ST6GALNAC3: variants seen among roughly 807,000 people sequenced by gnomAD.
The protein encoded by ST6GALNAC3 is alpha-N-acetylgalactosaminide alpha-2,6-sialyltransferase 3.
ST6GALNAC3 carries 25 observed loss-of-function variants against 32.7 expected under a neutral mutation model. The ratio of observed to expected loss-of-function variants is 0.76; its 90% CI spans 0.56 to 1.07. The LOEUF (loss-of-function observed/expected upper bound fraction) is 1.07, where lower values mean the gene tolerates loss of function less well. ST6GALNAC3 is among the 50% of genes least tolerant of loss of function. ST6GALNAC3 has a pLI of 0.00. For missense variants in ST6GALNAC3, 355 were observed against 382.4 expected, an observed-to-expected ratio of 0.93 and a Z score of 0.60; for synonymous variants, 129 against 133.1, an observed-to-expected ratio of 0.97 and a Z score of 0.21.
intron 1 of ST6GALNAC3, among the ~76,000 whole-genome samples, chr1:76,196,529 G>A (rs945447873): frequency 2.0e-5 from 3 of 151,322 alleles, no homozygotes; most frequent in African/African-American, 7.3e-5. Flanking sequence ...GCAATGGCGC[G>A]ATCTCGGCTC....
At chr1:76,139,395 AAC>A (rs985479070) in intron 1 of ST6GALNAC3, among the ~76,000 whole-genome samples, 8 of 150,670 alleles carry the variant, frequency 5.3e-5, no homozygotes, top group Non-Finnish European at 1.2e-4. Context: ...CACACATAGA[AAC>A]ACACACACAT....
chr1:76,542,483 G>T (rs544576175), intron 3 of ST6GALNAC3, among the ~76,000 whole-genome samples: 1 of 152,138 alleles, frequency 6.6e-6, no homozygotes, highest in Non-Finnish European at 1.5e-5. Context: ...GGTTTAACTA[G>T]CCTCAGGCAG....
intron 2 of ST6GALNAC3, among the ~76,000 whole-genome samples, chr1:76,374,531 A>G (rs1466441593): frequency 6.6e-6 from 1 of 152,252 alleles, no homozygotes; most frequent in African/African-American, 2.4e-5. Flanking sequence ...TGAAACAGAC[A>G]TCTGACATGT....
intron 3 of ST6GALNAC3, among the ~76,000 whole-genome samples, chr1:76,583,957 T>G (rs1646926434): frequency 6.6e-6 from 1 of 152,210 alleles, no homozygotes; most frequent in African/African-American, 2.4e-5. Context: ...AAAGCCCAAT[T>G]CTGTTCCTCA....
At chr1:76,099,907 T>C (rs1647190077) in intron 1 of ST6GALNAC3, among the ~76,000 whole-genome samples, 1 of 152,208 alleles carries the variant, frequency 6.6e-6, no homozygotes, top group African/African-American at 2.4e-5. Context: ...TAGCTCCAAG[T>C]ACTATTGCAT....
intron 1 of ST6GALNAC3, chr1:76,307,929 T>C: frequency 1.9e-6 from 1 of 515,598 alleles, no homozygotes; most frequent in Middle Eastern, 3.2e-4. Flanking sequence ...ATATTCCCAC[T>C]CTAAAGAGCA....
Position 76,313,839 on chromosome 1 carries a change from C to T in ST6GALNAC3, c.53C>T (p.Ala18Val), listed in dbSNP as rs372596931. ...GTGATTGCTGTGAGCTTCATAGCAGCGTTCCTTTTCCTGCTGGTTGTGCGT... is the reference window on the plus strand; with the variant it reads ...GTGATTGCTGTGAGCTTCATAGCAGTGTTCCTTTTCCTGCTGGTTGTGCGT... ...KSVIAVSFIA[A>V]FLFLLVVRLV... Residue 18 changes from alanine to valine, a missense_variant, in exon 2 of 5, where the codon GCG (alanine) becomes GTG (valine). Coordinates refer to ENST00000328299, the MANE Select transcript of ST6GALNAC3 (RefSeq NM_152996.4). 2.7e-5 allele frequency: 44 copies of T among 1,613,336 alleles called. No homozygotes were observed. In the African/African-American group the frequency reaches 3.3e-4, roughly 12 times the overall value.
chr1:76,501,486 A>T (rs1661174038), intron 3 of ST6GALNAC3, among the ~76,000 whole-genome samples: 1 of 152,134 alleles, frequency 6.6e-6, no homozygotes, highest in African/African-American at 2.4e-5. Flanking sequence ...TATTCTGGGT[A>T]AAGGGAGCTA....
At chr1:76,076,655 A>T (rs1320794336) in intron 1 of ST6GALNAC3, among the ~76,000 whole-genome samples, 1 of 152,238 alleles carries the variant, frequency 6.6e-6, no homozygotes, top group Non-Finnish European at 1.5e-5. Flanking sequence ...TTCCTCTAAC[A>T]TATAATAATA....
chr1:76,204,643 C>T (rs921231986), intron 1 of ST6GALNAC3, among the ~76,000 whole-genome samples: 1 of 152,064 alleles, frequency 6.6e-6, no homozygotes, highest in East Asian at 1.9e-4. Context: ...TATTGCACGA[C>T]GTGTATCTTC....
At chr1:76,270,046 A>T (rs1658748418) in intron 1 of ST6GALNAC3, among the ~76,000 whole-genome samples, 1 of 152,200 alleles carries the variant, frequency 6.6e-6, no homozygotes, top group Non-Finnish European at 1.5e-5. Context: ...GGGCATTTGC[A>T]TCCATACCCC....
At chr1:76,495,888 C>T (rs1156762961) in intron 3 of ST6GALNAC3, among the ~76,000 whole-genome samples, 7 of 152,186 alleles carry the variant, frequency 4.6e-5, no homozygotes, top group East Asian at 1.9e-4. Flanking sequence ...GTTGGTATAG[C>T]GGAGGAAACC....
chr1:76,490,331 TA>T (rs922974645), intron 3 of ST6GALNAC3, among the ~76,000 whole-genome samples: 14 of 151,192 alleles, frequency 9.3e-5, no homozygotes, highest in African/African-American at 2.9e-4. Flanking sequence ...TCCAGAGACT[TA>T]AAAAAAAATC....
In ST6GALNAC3 at chr1:76,629,546, T is replaced by C. The variant is rs755524809; in HGVS notation, c.*740T>C. 1 of 985,024 alleles carries C rather than the reference T, an allele frequency of 1.0e-6. No individual in the cohort carries two copies. The highest frequency in any genetic ancestry group is 1.2e-6 in the Non-Finnish European group (1 of 829,242). The allele number at this position is 985,024 out of a possible 1,614,324, so 61.0% of individuals were successfully genotyped here. On this transcript the variant is annotated 3_prime_UTR_variant, in exon 5 of 5. Transcript: ENST00000328299. ...ATAACTGAACATGTGATTAGAATGA[T>C]CTATATTAATGTTTAGTTATTTTTG...
At chr1:76,388,131 T>C (rs1337501478) in intron 2 of ST6GALNAC3, among the ~76,000 whole-genome samples, 2 of 151,688 alleles carry the variant, frequency 1.3e-5, no homozygotes, top group Non-Finnish European at 2.9e-5. Context: ...AAAAAAAAAA[T>C]GTCATGGGAA....
chr1:76,201,842 T>C (rs893111322), intron 1 of ST6GALNAC3, among the ~76,000 whole-genome samples: 2 of 152,144 alleles, frequency 1.3e-5, no homozygotes, highest in Non-Finnish European at 2.9e-5. Flanking sequence ...GACAAGACTA[T>C]GTCCTTAGAA....
chr1:76,598,791 C>T lies in ST6GALNAC3; in HGVS notation c.624-28661C>T, dbSNP rs985012444. Among the ~76,000 whole-genome samples, 5 of 151,816 alleles carry T rather than the reference C, an allele frequency of 3.3e-5. 1 individual carries two copies. Among genetic ancestry groups the T allele is most frequent in the Admixed American group, 1.3e-4 (2 of 15,244 alleles). On this transcript the variant is annotated intron_variant, in intron 3 of 4. Coordinates refer to ENST00000328299, the MANE Select transcript of ST6GALNAC3 (RefSeq NM_152996.4). Reference sequence around the variant, plus strand: ...TAGACAGAAAGAAAATGATTCTTTTCACTGTGTTTAAGAGGACTGATTAGG... The same window carrying T: ...TAGACAGAAAGAAAATGATTCTTTTTACTGTGTTTAAGAGGACTGATTAGG...
intron 3 of ST6GALNAC3, among the ~76,000 whole-genome samples, chr1:76,415,068 C>T (rs910274718): frequency 2.0e-5 from 3 of 151,508 alleles, no homozygotes; most frequent in African/African-American, 7.3e-5. Context: ...AGGCATTAGT[C>T]GTACAGAGTT....
chr1:76,412,552 A>T (rs1012409385), intron 3 of ST6GALNAC3, 135 bp downstream of exon 3: 33 of 996,626 alleles, frequency 3.3e-5, no homozygotes, highest in Non-Finnish European at 4.4e-5. Context: ...TATTATGATT[A>T]CTTGATAAGC....
Sources: allele counts gnomAD v4.1 joint callset (sites outside exome capture counted in the v4.1 genomes callset), GRCh38; gene constraint gnomAD v4.1.1; transcripts MANE v1.5; gene names NCBI Gene and HGNC (gene_info 2026-07-23, HGNC 2026-07-21).